NAA50: variants seen among roughly 807,000 people sequenced by gnomAD.
The protein encoded by NAA50 is N-alpha-acetyltransferase 50, NatE catalytic subunit, also known as N-alpha-acetyltransferase 50.
In NAA50, 7 loss-of-function variants were observed where a neutral mutation model predicts 20.7. The observed-to-expected ratio is 0.34, with a 90% CI of 0.19 to 0.63. NAA50 has a LOEUF of 0.63. NAA50 is among the 30% of genes least tolerant of loss of function. The pLI is 0.75. For missense variants in NAA50, 111 were observed against 199.1 expected (o/e 0.56, Z 2.66); for synonymous variants, 54 against 70.6 (o/e 0.77, Z 1.18).
At position 113,721,389 on chromosome 3, in the gene NAA50, CTTTTT is replaced by C; in HGVS notation, c.*366_*370del. 1 of 226,940 alleles carries C rather than the reference CTTTTT, an allele frequency of 4.4e-6. No homozygotes were observed. The highest frequency in any genetic ancestry group is 8.6e-6 in the Non-Finnish European group (1 of 115,692). The allele number at this position is 226,940 out of a possible 1,614,324, so 14.1% of individuals were successfully genotyped here. A position where few individuals can be genotyped will look rare whatever the true frequency, so the allele number is the denominator to read the frequency against. On this transcript the variant is annotated 3_prime_UTR_variant, in exon 5 of 5. Coordinates refer to ENST00000240922, the MANE Select transcript of NAA50 (RefSeq NM_025146.4). ...AGAGAACAAGATACTGCTGCTGCTT[CTTTTT>C]GTCTTTTGAAATATACAATGTTTTG...
At chr3:113,728,756 C>T (rs1239481551) in intron 1 of NAA50, among the ~76,000 whole-genome samples, 4 of 152,146 alleles carry the variant, frequency 2.6e-5, no homozygotes, top group Admixed American at 6.5e-5. Flanking sequence ...TGTCTCTAGC[C>T]TATAGTTCAC....
At chr3:113,727,753 G>C (rs978534961) in intron 1 of NAA50, among the ~76,000 whole-genome samples, 1 of 151,744 alleles carries the variant, frequency 6.6e-6, no homozygotes, top group African/African-American at 2.4e-5. Flanking sequence ...TTATATATAT[G>C]TATATACACG....
rs139961689 is a variant in NAA50 at position 113,734,804 on chromosome 3, G to C, written c.9-10709C>G. On this transcript the variant is annotated intron_variant, in intron 1 of 4. Coordinates refer to ENST00000240922, the MANE Select transcript of NAA50 (RefSeq NM_025146.4). ...CAGTCTGTTATCATCTTTGCTTTTGGAATAAACACCTATAAATACATGTTC... is the reference window on the plus strand; with the variant it reads ...CAGTCTGTTATCATCTTTGCTTTTGCAATAAACACCTATAAATACATGTTC... Among the ~76,000 whole-genome samples the C allele has an allele frequency of 2.0e-5, 3 of 152,178 alleles. No individual in the cohort carries two copies. The East Asian group carries it at 5.8e-4, about 29-fold the overall frequency.
intron 1 of NAA50, among the ~76,000 whole-genome samples, chr3:113,726,743 C>CAAA (rs537817145): frequency 9.4e-6 from 1 of 105,856 alleles, no homozygotes; most frequent in Admixed American, 9.8e-5. Context: ...GACTCCGCCT[C>CAAA]AAAAAAAAAA....
At chr3:113,735,237 G>A (rs1428037153) in intron 1 of NAA50, among the ~76,000 whole-genome samples, 1 of 152,180 alleles carries the variant, frequency 6.6e-6, no homozygotes, top group African/African-American at 2.4e-5. Flanking sequence ...CCTGGAGAGT[G>A]AGTAGTGTTA....
chr3:113,717,345 C>T lies in NAA50; in HGVS notation c.*4415G>A, dbSNP rs993411917. ...CGAGACTCTGTCTCCAAAACAAAAA[C>T]AAAAACATTTTACCTAAGAAATCAA... On this transcript the variant is annotated 3_prime_UTR_variant, in exon 5 of 5. Transcript: ENST00000240922. The T allele has an allele frequency of 5.3e-5, 8 of 152,124 alleles. No individual in the cohort carries two copies. The highest frequency in any genetic ancestry group is 1.9e-4 in the African/African-American group (8 of 41,418). The allele number at this position is 152,124 out of a possible 1,614,324, so 9.4% of individuals were successfully genotyped here.
In NAA50 at chr3:113,721,468, T is replaced by G. The variant is rs1011846362; in HGVS notation, c.*292A>C. 2 of 357,950 alleles carry G rather than the reference T, an allele frequency of 5.6e-6. No individual in the cohort carries two copies. Among genetic ancestry groups the G allele is most frequent in the Admixed American group, 4.6e-5 (1 of 21,838 alleles). 22.2% of individuals were successfully genotyped at this position (357,950 alleles called of 1,614,324 possible). The stretch of plus-strand genomic sequence containing the variant: ...AGCAGGACATTAAATTTGAAATTAT[T>G]TGACAATTAAATGTTTAGGACCATC... On this transcript the variant is annotated 3_prime_UTR_variant, in exon 5 of 5. Transcript: ENST00000240922.
At chr3:113,738,307 AT>A (rs1014728185) in intron 1 of NAA50, among the ~76,000 whole-genome samples, 8 of 152,152 alleles carry the variant, frequency 5.3e-5, no homozygotes. Flanking sequence ...TAATGTTTTT[AT>A]TTCCAAATCT....
intron 1 of NAA50, among the ~76,000 whole-genome samples, chr3:113,730,388 GTTC>G (rs1395024948): frequency 1.0e-4 from 15 of 150,066 alleles, no homozygotes; most frequent in Admixed American, 8.0e-4. Flanking sequence ...AGTATTAACT[GTTC>G]TTCATTTTCC....
chr3:113,725,309 T>C (rs1292062339), intron 1 of NAA50, among the ~76,000 whole-genome samples: 3 of 152,238 alleles, frequency 2.0e-5, no homozygotes, highest in African/African-American at 7.2e-5. Flanking sequence ...TAGCATATTG[T>C]GTTTTGTAGA....
At chr3:113,743,654 A>C (rs1708450263) in intron 1 of NAA50, among the ~76,000 whole-genome samples, 1 of 152,232 alleles carries the variant, frequency 6.6e-6, no homozygotes, top group Non-Finnish European at 1.5e-5. Flanking sequence ...GTTAAGTTAA[A>C]GGGATTATTC....
At chr3:113,722,299 G>A (rs901118164) in intron 4 of NAA50, among the ~76,000 whole-genome samples, 4 of 152,194 alleles carry the variant, frequency 2.6e-5, no homozygotes, top group Middle Eastern at 6.8e-3. Context: ...CTCAAAGCTT[G>A]AAGATATATC....
At chr3:113,730,740 C>G (rs1203008615) in intron 1 of NAA50, among the ~76,000 whole-genome samples, 4 of 152,192 alleles carry the variant, frequency 2.6e-5, no homozygotes. Flanking sequence ...GTCTGAGACT[C>G]ACCCCGGTGT....
chr3:113,740,890 C>A, intron 1 of NAA50: 2 of 424,898 alleles, frequency 4.7e-6, no homozygotes, highest in South Asian at 2.1e-5. Context: ...ATCATCTAGA[C>A]TATGCTAGAG....
In NAA50 at chr3:113,717,471, A is replaced by G. The variant is rs955841756; in HGVS notation, c.*4289T>C. 1 of 152,256 alleles carries G rather than the reference A, an allele frequency of 6.6e-6. No homozygotes were observed. The highest frequency in any genetic ancestry group is 2.1e-4 in the South Asian group (1 of 4,836). 9.4% of individuals were successfully genotyped at this position (152,256 alleles called of 1,614,324 possible). The stretch of plus-strand genomic sequence containing the variant: ...TTCTCAATGTTCTACCAAGTTAACA[A>G]CACACATTAAGAAATCTGACTCAAG... On this transcript the variant is annotated 3_prime_UTR_variant, in exon 5 of 5. Transcript: ENST00000240922.
chr3:113,719,281 A>G lies in NAA50; in HGVS notation c.*2479T>C, dbSNP rs1708102050. The G allele has an allele frequency of 6.6e-6, 1 of 152,442 alleles. No individual in the cohort carries two copies. The highest frequency in any genetic ancestry group is 1.5e-5 in the Non-Finnish European group (1 of 67,852). The allele number at this position is 152,442 out of a possible 1,614,324, so 9.4% of individuals were successfully genotyped here. The stretch of plus-strand genomic sequence containing the variant: ...CTATATATTGCATAGATTTCTCTAC[A>G]GATTCTTTGCTTTAAAACCTAAATG... On this transcript the variant is annotated 3_prime_UTR_variant, in exon 5 of 5. Coordinates refer to ENST00000240922, the MANE Select transcript of NAA50 (RefSeq NM_025146.4).
chr3:113,722,171 T>C (rs897164600), intron 4 of NAA50, among the ~76,000 whole-genome samples: 2 of 152,120 alleles, frequency 1.3e-5, no homozygotes, highest in African/African-American at 4.8e-5. Flanking sequence ...TTTATTCTTG[T>C]AGTCAACAAA....
chr3:113,742,293 GCT>G (rs1390147157), intron 1 of NAA50, among the ~76,000 whole-genome samples: 1 of 152,042 alleles, frequency 6.6e-6, no homozygotes, highest in African/African-American at 2.4e-5. Flanking sequence ...ACCAGTTTTC[GCT>G]CTGTTGCCCA....
intron 1 of NAA50, among the ~76,000 whole-genome samples, chr3:113,735,482 C>T (rs1442807482): frequency 2.0e-5 from 3 of 152,266 alleles, no homozygotes; most frequent in East Asian, 1.9e-4. Context: ...GCATAGAGAA[C>T]GGGTCATTGG....
Sources: gnomAD v4.1 joint callset for allele counts (sites outside exome capture counted in the v4.1 genomes callset) on GRCh38, gnomAD v4.1.1 for gene constraint, MANE v1.5 for transcripts, NCBI Gene and HGNC (gene_info 2026-07-23, HGNC 2026-07-21) for gene names.